UTP25: variants seen among roughly 807,000 people sequenced by gnomAD.
UTP25 encodes the protein U3 small nucleolar RNA-associated protein 25 homolog.
In UTP25, 50 loss-of-function variants were observed where a neutral mutation model predicts 78.9. The ratio of observed to expected loss-of-function variants is 0.63; its 90% CI spans 0.50 to 0.80. The LOEUF (loss-of-function observed/expected upper bound fraction) is 0.80, where lower values mean the gene tolerates loss of function less well. UTP25 is among the 30% of genes least tolerant of loss of function. UTP25 has a pLI of 0.00. For missense variants in UTP25, 846 were observed against 911.3 expected, an observed-to-expected ratio of 0.93 and a Z score of 0.92; for synonymous variants, 329 against 336.5, an observed-to-expected ratio of 0.98 and a Z score of 0.24.
At chr1:209,833,033 A>C (rs1223458461) in intron 3 of UTP25, 152 bp from the exon 4 acceptor site, 1 of 794,842 alleles carries the variant, frequency 1.3e-6, no homozygotes, top group Non-Finnish European at 1.9e-6. Context: ...GATTAGGCTT[A>C]ATTTTGAAAT....
intron 1 of UTP25, 124 bp downstream of exon 1, chr1:209,828,294 G>A: frequency 1.4e-6 from 1 of 735,326 alleles, no homozygotes; most frequent in Non-Finnish European, 2.2e-6. Context: ...GCTGTGCTCG[G>A]CCGGGGAGAT....
In UTP25 at chr1:209,854,210, A is replaced by G. The variant is rs529793039; in HGVS notation, c.*2763A>G. 9.8e-5 allele frequency: 15 copies of G among 152,348 alleles called. 1 individual carries two copies. In the South Asian group the frequency reaches 2.7e-3, roughly 27 times the overall value. The allele number at this position is 152,348 out of a possible 1,614,324, so 9.4% of individuals were successfully genotyped here. A position where few individuals can be genotyped will look rare whatever the true frequency, so the allele number is the denominator to read the frequency against. On this transcript the variant is annotated 3_prime_UTR_variant, in exon 12 of 12. Transcript: ENST00000491415. ...GAAATATAGACAAAGGATGGTCCCA[A>G]TCCTGGAAACAGTGGAATTAAAAGG... is the stretch of plus-strand genomic sequence containing the variant.
chr1:209,851,110 A>C, intron 11 of UTP25, 94 bp from the exon 12 acceptor site: 1 of 1,386,876 alleles, frequency 7.2e-7, no homozygotes. Flanking sequence ...GCAGGAAGCA[A>C]CAAGCATGAA....
At chr1:209,845,460 C>T (rs1230679749) in intron 11 of UTP25, among the ~76,000 whole-genome samples, 1 of 152,180 alleles carries the variant, frequency 6.6e-6, no homozygotes, top group African/African-American at 2.4e-5. Context: ...TTGTCTATGG[C>T]AACTGTGAAT....
At chr1:209,832,543 T>C (rs759401965) in intron 3 of UTP25, among the ~76,000 whole-genome samples, 2 of 152,148 alleles carry the variant, frequency 1.3e-5, no homozygotes, top group Non-Finnish European at 2.9e-5. Context: ...GAACTAGAAG[T>C]GGGTATATTA....
intron 3 of UTP25, among the ~76,000 whole-genome samples, chr1:209,832,957 A>G (rs778617131): frequency 2.6e-5 from 4 of 152,206 alleles, no homozygotes; most frequent in African/African-American, 9.7e-5. Context: ...GTTTGGCCAG[A>G]TATCTGGGCA....
chr1:209,841,940 C>T (rs1012990897), intron 8 of UTP25, among the ~76,000 whole-genome samples: 1 of 152,208 alleles, frequency 6.6e-6, no homozygotes, highest in African/African-American at 2.4e-5. Flanking sequence ...TTTTCCATGG[C>T]ATTTCCCTTC....
At position 209,856,062 on chromosome 1, in the gene UTP25, AT is replaced by A. The variant is rs2078273476; in HGVS notation, c.*4621del. On this transcript the variant is annotated 3_prime_UTR_variant, in exon 12 of 12. Transcript: ENST00000491415. Reference sequence around the variant, plus strand: ...TTCATGGGTTTCTTTGTGTTCTCTCATTTTTTCAAAGCTGGGTGTTGGGACC... The same window carrying A: ...TTCATGGGTTTCTTTGTGTTCTCTCATTTTTCAAAGCTGGGTGTTGGGACC... 1 of 152,032 alleles carries A rather than the reference AT, an allele frequency of 6.6e-6. No individual in the cohort carries two copies. 9.4% of individuals were successfully genotyped at this position (152,032 alleles called of 1,614,324 possible).
At chr1:209,833,983 T>C (rs1044340470) in intron 4 of UTP25, among the ~76,000 whole-genome samples, 3 of 152,362 alleles carry the variant, frequency 2.0e-5, no homozygotes, top group East Asian at 3.9e-4. Flanking sequence ...ATTGCCTTCA[T>C]TGATCTCATT....
In UTP25 at chr1:209,856,699, GAC is replaced by G. The variant is rs1218243282; in HGVS notation, c.*5255_*5256del. The G allele has an allele frequency of 6.6e-6, 1 of 152,238 alleles. No homozygotes were observed. The highest frequency in any genetic ancestry group is 1.5e-5 in the Non-Finnish European group (1 of 68,062). The allele number at this position is 152,238 out of a possible 1,614,324, so 9.4% of individuals were successfully genotyped here. ...GCATCACAGACTCCTGAACTCCAAA[GAC>G]ACTGCCTATTCTTTCGTCTGTTCTT... is the stretch of plus-strand genomic sequence containing the variant. On this transcript the variant is annotated 3_prime_UTR_variant, in exon 12 of 12. Coordinates refer to ENST00000491415, the MANE Select transcript of UTP25 (RefSeq NM_014388.7).
chr1:209,837,465 A>C (rs2078140172), intron 6 of UTP25, among the ~76,000 whole-genome samples: 1 of 152,318 alleles, frequency 6.6e-6, no homozygotes, highest in South Asian at 2.1e-4. Context: ...CTTAAAGATA[A>C]ACCCAGAGTA....
rs2078265454 is a variant in UTP25 at position 209,855,050 on chromosome 1, A to G, written c.*3603A>G. 1 of 152,242 alleles carries G rather than the reference A, an allele frequency of 6.6e-6. No individual in the cohort carries two copies. The allele number at this position is 152,242 out of a possible 1,614,324, so 9.4% of individuals were successfully genotyped here. ...CAGATTTCAGTCAACTTTTAATTAG[A>G]GTCAATGAATGGGGAGTAAATACAC... is the stretch of plus-strand genomic sequence containing the variant. On this transcript the variant is annotated 3_prime_UTR_variant, in exon 12 of 12. Transcript: ENST00000491415.
At chr1:209,846,977 AT>A (rs1407407093) in intron 11 of UTP25, among the ~76,000 whole-genome samples, 11 of 152,034 alleles carry the variant, frequency 7.2e-5, no homozygotes, top group Non-Finnish European at 1.5e-4. Context: ...CTTTTTGGTA[AT>A]TTTTTTCCAT....
chr1:209,842,973 A>G lies in UTP25; in HGVS notation c.1781+278A>G, dbSNP rs546640221. The G allele has an allele frequency of 7.4e-4, 315 of 425,890 alleles. 1 individual carries two copies. The highest frequency in any genetic ancestry group is 1.2e-3 in the Non-Finnish European group (296 of 237,954). The allele number at this position is 425,890 out of a possible 1,614,324, so 26.4% of individuals were successfully genotyped here. A position where few individuals can be genotyped will look rare whatever the true frequency, so the allele number is the denominator to read the frequency against. Reference sequence around the variant, plus strand: ...TGGCATTTTAAAATTATACAGCTTTATGCTACAAAGTGTCTCATGTCAGCA... The same window carrying G: ...TGGCATTTTAAAATTATACAGCTTTGTGCTACAAAGTGTCTCATGTCAGCA... On this transcript the variant is annotated intron_variant, in intron 10 of 11. Coordinates refer to ENST00000491415, the MANE Select transcript of UTP25 (RefSeq NM_014388.7).
chr1:209,849,515 G>C (rs1558057267), intron 11 of UTP25, among the ~76,000 whole-genome samples: 1 of 152,056 alleles, frequency 6.6e-6, no homozygotes, highest in Non-Finnish European at 1.5e-5. Context: ...GATTAGGGGT[G>C]GGGGACAGGG....
rs1035800867 is a variant in UTP25 at position 209,856,931 on chromosome 1, T to G, written c.*5484T>G. ...AAAAATAATTAGCAAGAGAACAGAC[T>G]TCAGCTCTCTGAAGGCTGATGACCA... is the stretch of plus-strand genomic sequence containing the variant. On this transcript the variant is annotated 3_prime_UTR_variant, in exon 12 of 12. Transcript: ENST00000491415. 3 of 152,252 alleles carry G rather than the reference T, an allele frequency of 2.0e-5. No homozygotes were observed. The highest frequency in any genetic ancestry group is 4.4e-5 in the Non-Finnish European group (3 of 68,040). 9.4% of individuals were successfully genotyped at this position (152,252 alleles called of 1,614,324 possible). A position where few individuals can be genotyped will look rare whatever the true frequency, so the allele number is the denominator to read the frequency against.
chr1:209,836,543 T>G (rs74427459), intron 5 of UTP25, among the ~76,000 whole-genome samples: 2 of 152,330 alleles, frequency 1.3e-5, no homozygotes, highest in African/African-American at 4.8e-5. Context: ...AGAGCTCAGA[T>G]TTGAAGTCAG....
chr1:209,855,587 A>G lies in UTP25; in HGVS notation c.*4140A>G, dbSNP rs891759902. The G allele has an allele frequency of 3.3e-5, 5 of 152,326 alleles. No individual in the cohort carries two copies. The highest frequency in any genetic ancestry group is 1.2e-4 in the African/African-American group (5 of 41,450). The allele number at this position is 152,326 out of a possible 1,614,324, so 9.4% of individuals were successfully genotyped here. A position where few individuals can be genotyped will look rare whatever the true frequency, so the allele number is the denominator to read the frequency against. Reference sequence around the variant, plus strand: ...TTTCTCCTGCTGGGCAGCTCAGTACAGATGTCCCCTCACTGCTGGAAGAAA... The same window carrying G: ...TTTCTCCTGCTGGGCAGCTCAGTACGGATGTCCCCTCACTGCTGGAAGAAA... On this transcript the variant is annotated 3_prime_UTR_variant, in exon 12 of 12. Transcript: ENST00000491415.
intron 11 of UTP25, among the ~76,000 whole-genome samples, chr1:209,850,525 G>A (rs1445516498): frequency 2.0e-5 from 3 of 152,206 alleles, no homozygotes; most frequent in African/African-American, 7.2e-5. Context: ...ATCCCACAGG[G>A]GAACGGTTGA....
Sources: gnomAD v4.1 joint callset for allele counts (sites outside exome capture counted in the v4.1 genomes callset) on GRCh38, gnomAD v4.1.1 for gene constraint, MANE v1.5 for transcripts, NCBI Gene and HGNC (gene_info 2026-07-23, HGNC 2026-07-21) for gene names.